The following EDA variants were observed in gnomAD, a reference collection of about 807,000 sequenced individuals.
EDA encodes the protein ectodysplasin A, also known as ectodysplasin-A.
Under a neutral mutation model 23.6 loss-of-function variants are expected in EDA, and 2 were observed. The observed-to-expected ratio is 0.08, with a 90% confidence interval of 0.03 to 0.27. The LOEUF (loss-of-function observed/expected upper bound fraction) is 0.27, where lower values mean the gene tolerates loss of function less well. EDA is among the 10% of genes least tolerant of loss of function. EDA has a pLI of 1.00. For synonymous variants in EDA, 131 were observed against 132.0 expected (o/e 0.99, Z 0.05); for missense variants, 229 against 324.2 (o/e 0.71, Z 2.26).
chrX:69,869,148 G>A (rs769632973), intron 1 of EDA, among the ~76,000 whole-genome samples: 6 of 111,671 alleles, frequency 5.4e-5, no homozygotes, highest in African/African-American at 2.0e-4. Flanking sequence ...TACTAGTCAG[G>A]GAGCCAATGT....
intron 1 of EDA, among the ~76,000 whole-genome samples, chrX:69,905,649 GA>G (rs1202519655): frequency 3.6e-5 from 4 of 111,553 alleles, no homozygotes; most frequent in Non-Finnish European, 5.7e-5. Flanking sequence ...ACTGTGTGAG[GA>G]ATTTCAGAAT....
chrX:69,994,896 G>C (rs1168802584), intron 2 of EDA, among the ~76,000 whole-genome samples: 1 of 111,954 alleles, frequency 8.9e-6, no homozygotes, highest in African/African-American at 3.2e-5. Flanking sequence ...AGTTTTCTTT[G>C]AAAAGTCTGT....
chrX:69,749,919 GTTCTTTTTTTTTTTTT>G (rs1395908097), intron 1 of EDA, among the ~76,000 whole-genome samples: 3 of 48,615 alleles, frequency 6.2e-5, no homozygotes, highest in Non-Finnish European at 9.5e-5. Flanking sequence ...TCTCACTAAG[GTTCTTTTTTTTTTTTT>G]TTTTTTTTTT....
At chrX:69,634,774 G>A (rs970393143) in intron 1 of EDA, among the ~76,000 whole-genome samples, 3 of 111,568 alleles carry the variant, frequency 2.7e-5, no homozygotes, top group African/African-American at 9.8e-5. Flanking sequence ...GCCACATAAT[G>A]ATGTTTCTGT....
chrX:69,886,925 G>A (rs898567013), intron 1 of EDA, among the ~76,000 whole-genome samples: 5 of 111,730 alleles, frequency 4.5e-5, no homozygotes, highest in African/African-American at 1.6e-4. Context: ...CAAATACATG[G>A]ACATCAATGC....
At chrX:69,826,129 A>T (rs1386556667) in intron 1 of EDA, among the ~76,000 whole-genome samples, 20 of 111,112 alleles carry the variant, frequency 1.8e-4, no homozygotes, top group Non-Finnish European at 3.2e-4. Flanking sequence ...GTATGTGGTC[A>T]ATTTTGGAAT....
chrX:69,676,186 A>G (rs1934072906), intron 1 of EDA, among the ~76,000 whole-genome samples: 2 of 111,315 alleles, frequency 1.8e-5, no homozygotes, highest in Admixed American at 1.9e-4. Context: ...TAGGAAACCA[A>G]TGGAGGGGCT....
At chrX:69,824,631 A>G (rs2016353494) in intron 1 of EDA, among the ~76,000 whole-genome samples, 1 of 101,754 alleles carries the variant, frequency 9.8e-6, no homozygotes, top group South Asian at 4.8e-4. Flanking sequence ...ATATACAATC[A>G]TGTCGTCTGC....
At chrX:69,790,963 A>G (rs1265923870) in intron 1 of EDA, among the ~76,000 whole-genome samples, 2 of 111,654 alleles carry the variant, frequency 1.8e-5, no homozygotes, top group Non-Finnish European at 3.8e-5. Flanking sequence ...TTTGGTTTTC[A>G]TTTGAATACA....
intron 1 of EDA, among the ~76,000 whole-genome samples, chrX:69,683,191 T>C (rs1265348631): frequency 9.0e-6 from 1 of 111,535 alleles, no homozygotes; most frequent in Non-Finnish European, 1.9e-5. Context: ...TTGGCTGTCA[T>C]TGTTGTTATT....
intron 1 of EDA, among the ~76,000 whole-genome samples, chrX:69,808,862 G>A: frequency 8.9e-6 from 1 of 111,994 alleles, no homozygotes; most frequent in South Asian, 3.7e-4. Context: ...TTAATCAGTA[G>A]TATTATGGCA....
At chrX:69,807,809 G>A (rs955332934) in intron 1 of EDA, among the ~76,000 whole-genome samples, 3 of 111,154 alleles carry the variant, frequency 2.7e-5, no homozygotes, top group Non-Finnish European at 5.7e-5. Flanking sequence ...TTTAAAGAGA[G>A]AAGCAGGGAC....
chrX:70,003,931 A>G (rs1180125735), intron 2 of EDA, among the ~76,000 whole-genome samples: 3 of 111,880 alleles, frequency 2.7e-5, no homozygotes, highest in African/African-American at 9.8e-5. Context: ...AAAACACTGC[A>G]TGATCTCCCA....
chrX:69,656,682 A>G (rs1933332392), intron 1 of EDA, among the ~76,000 whole-genome samples: 2 of 111,159 alleles, frequency 1.8e-5, no homozygotes, highest in Middle Eastern at 4.6e-3. Context: ...CCCAGTGTCT[A>G]TTGTGGCCAT....
At chrX:69,654,390 G>A (rs959535822) in intron 1 of EDA, among the ~76,000 whole-genome samples, 156 of 111,225 alleles carry the variant, frequency 1.4e-3, no homozygotes, top group African/African-American at 4.8e-3. Context: ...TCAGTGTGGC[G>A]ATTCCTCAGG....
rs1376767378 is a variant in EDA, at chrX:69,674,953, G to C, written c.396+58249G>C. Among the ~76,000 whole-genome samples, 4 of 111,528 alleles carry C rather than the reference G, an allele frequency of 3.6e-5. No homozygotes were observed. In the Admixed American group the frequency reaches 3.8e-4, roughly 11 times the overall value. ...GAAGTGTAACCTTTCCCAAGGTTCTGTCCTGTCCCCTCCAACACTATTATC... is the reference window on the plus strand; with the variant it reads ...GAAGTGTAACCTTTCCCAAGGTTCTCTCCTGTCCCCTCCAACACTATTATC... On this transcript the variant is annotated intron_variant, in intron 1 of 7. Coordinates refer to ENST00000374552, the MANE Select transcript of EDA (RefSeq NM_001399.5).
At chrX:70,004,066 CT>C (rs1569398500) in intron 2 of EDA, among the ~76,000 whole-genome samples, 1 of 112,427 alleles carries the variant, frequency 8.9e-6, no homozygotes, top group Non-Finnish European at 1.9e-5. Context: ...ACGCTTATGA[CT>C]TTGGGAACAT....
rs141534815 is a variant in EDA at position 69,846,931 on chromosome X, C to T, written c.397-110096C>T. 2.3e-3 allele frequency among the ~76,000 whole-genome samples: 258 copies of T among 111,568 alleles called. 2 individuals carry two copies. The highest frequency in any genetic ancestry group is 2.1e-3 in the Non-Finnish European group (114 of 53,108). ...TGCTGTCTCCCTCATACCTAATAAACCTTACTGCAAAATTGAAGGAAGAGA... is the reference window on the plus strand; with the variant it reads ...TGCTGTCTCCCTCATACCTAATAAATCTTACTGCAAAATTGAAGGAAGAGA... On this transcript the variant is annotated intron_variant, in intron 1 of 7. Coordinates refer to ENST00000374552, the MANE Select transcript of EDA (RefSeq NM_001399.5).
intron 1 of EDA, among the ~76,000 whole-genome samples, chrX:69,721,406 A>T (rs1294309247): frequency 9.0e-6 from 1 of 110,795 alleles, no homozygotes; most frequent in East Asian, 2.9e-4. Flanking sequence ...TTTTGAATCC[A>T]TAGGGATAAA....
Sources: gnomAD v4.1 joint callset for allele counts (sites outside exome capture counted in the v4.1 genomes callset) on GRCh38, gnomAD v4.1.1 for gene constraint, MANE v1.5 for transcripts, NCBI Gene and HGNC (gene_info 2026-07-23, HGNC 2026-07-21) for gene names.